The following MAGI1 variants were observed in gnomAD, a reference collection of about 807,000 sequenced individuals.
MAGI1 encodes the protein membrane associated guanylate kinase, WW and PDZ domain containing 1.
In MAGI1, 58 loss-of-function variants were observed where a neutral mutation model predicts 139.9. The ratio of observed to expected loss-of-function variants is 0.41; its 90% CI spans 0.34 to 0.52. The LOEUF is 0.52. Ranked by LOEUF, MAGI1 falls within the 20% of genes least tolerant of loss-of-function variation. MAGI1 has a pLI of 0.12. For missense variants in MAGI1, 1,874 were observed against 1,901.6 expected (o/e 0.99, Z 0.27); for synonymous variants, 812 against 737.9 (o/e 1.10, Z -1.63).
chr3:65,368,004 T>A (rs547885114), intron 18 of MAGI1, among the ~76,000 whole-genome samples: 1 of 152,206 alleles, frequency 6.6e-6, no homozygotes, highest in Admixed American at 6.5e-5. Context: ...TTTTATACTA[T>A]CAATAAAGTT....
At chr3:65,509,816 C>G (rs1289939000) in intron 2 of MAGI1, among the ~76,000 whole-genome samples, 1 of 152,046 alleles carries the variant, frequency 6.6e-6, no homozygotes, top group Admixed American at 6.6e-5. Context: ...CTCAAGGAGG[C>G]CTGCCTGCCT....
intron 13 of MAGI1, among the ~76,000 whole-genome samples, chr3:65,400,922 T>C (rs948278957): frequency 1.3e-5 from 2 of 152,142 alleles, no homozygotes; most frequent in Middle Eastern, 3.4e-3. Context: ...GTCACATATA[T>C]GGGGCAAAGC....
chr3:65,864,433 T>C (rs756196433), intron 1 of MAGI1, among the ~76,000 whole-genome samples: 14 of 152,204 alleles, frequency 9.2e-5, no homozygotes, highest in Non-Finnish European at 1.8e-4. Context: ...GGAAGTGGCC[T>C]GCTTTCTTGC....
chr3:65,498,094 C>G (rs1286596083), intron 2 of MAGI1, among the ~76,000 whole-genome samples: 1 of 152,206 alleles, frequency 6.6e-6, no homozygotes, highest in African/African-American at 2.4e-5. Context: ...TTTCTTGTAG[C>G]AGAATGGCAG....
intron 5 of MAGI1, among the ~76,000 whole-genome samples, chr3:65,463,558 A>ATGTGTGTG (rs56135171): frequency 0.029 from 4,058 of 140,750 alleles, 91 homozygotes; most frequent in African/African-American, 0.045. Flanking sequence ...TTGGCCTGAA[A>ATGTGTGTG]TGTGTGTGTG....
At chr3:65,431,836 T>C (rs1207984287) in intron 10 of MAGI1, among the ~76,000 whole-genome samples, 1 of 149,086 alleles carries the variant, frequency 6.7e-6, no homozygotes, top group Non-Finnish European at 1.5e-5. Context: ...AAAAAAAAAA[T>C]ACAAAAATTA....
At chr3:65,805,094 TAACTA>T (rs1233994128) in intron 1 of MAGI1, among the ~76,000 whole-genome samples, 10 of 152,140 alleles carry the variant, frequency 6.6e-5, no homozygotes, top group African/African-American at 2.4e-4. Context: ...AAATGGGACC[TAACTA>T]AACTAAAGAG....
intron 1 of MAGI1, among the ~76,000 whole-genome samples, chr3:65,781,904 C>T (rs1214898387): frequency 1.3e-5 from 2 of 151,934 alleles, no homozygotes; most frequent in African/African-American, 2.4e-5. Flanking sequence ...AACCCCCCCT[C>T]ACTATAAACC....
intron 1 of MAGI1, among the ~76,000 whole-genome samples, chr3:65,683,766 C>A (rs1282300504): frequency 2.0e-5 from 3 of 151,656 alleles, no homozygotes; most frequent in African/African-American, 7.3e-5. Flanking sequence ...TCACACCTAT[C>A]AGAATGGATG....
intron 1 of MAGI1, among the ~76,000 whole-genome samples, chr3:65,923,432 G>A (rs902665142): frequency 4.0e-5 from 6 of 151,872 alleles, no homozygotes; most frequent in Admixed American, 3.9e-4. Context: ...TCACCATGTT[G>A]GTCAGGATGG....
chr3:65,479,528 T>C, intron 3 of MAGI1, among the ~76,000 whole-genome samples: 1 of 152,182 alleles, frequency 6.6e-6, no homozygotes, highest in East Asian at 1.9e-4. Context: ...CATTTTAATT[T>C]TTTTATTTTA....
At chr3:65,884,196 A>G (rs758810459) in intron 1 of MAGI1, among the ~76,000 whole-genome samples, 3 of 152,208 alleles carry the variant, frequency 2.0e-5, no homozygotes, top group Non-Finnish European at 2.9e-5. Flanking sequence ...AGAAAGAAAA[A>G]CACGTCCGAA....
At chr3:65,712,455 G>GAAAA (rs759022188) in intron 1 of MAGI1, among the ~76,000 whole-genome samples, 1 of 87,786 alleles carries the variant, frequency 1.1e-5, no homozygotes. Flanking sequence ...CCCCAAGCAA[G>GAAAA]AAAAAAAAAA....
intron 2 of MAGI1, among the ~76,000 whole-genome samples, chr3:65,601,700 T>C (rs2082488320): frequency 6.7e-6 from 1 of 149,844 alleles, no homozygotes; most frequent in South Asian, 2.1e-4. Flanking sequence ...GTAAATCTTT[T>C]TTATCCTGGG....
rs767167390 is a variant in MAGI1, at chr3:65,429,828, C to A, written c.1859G>T (p.Ser620Ile). 6.2e-7 allele frequency: 1 copy of A among 1,613,976 alleles called. No individual in the cohort carries two copies. Among genetic ancestry groups the A allele is most frequent in the East Asian group, 2.2e-5 (1 of 44,834 alleles). The change falls in exon 12 of 23, where the codon AGT (serine) becomes ATT (isoleucine). Residue 620 changes from serine (S) to isoleucine (I), a missense_variant. Coordinates refer to ENST00000402939, the MANE Select transcript of MAGI1 (RefSeq NM_001033057.2). The stretch of plus-strand genomic sequence containing the variant: ...AGTGTCATTAGGATAACCATGAGAA[C>A]TATTTGAAGCCACGTCCGCTGGGCT... ...PSSPADVASN[S>I]SHGYPNDTVS...
intron 1 of MAGI1, among the ~76,000 whole-genome samples, chr3:65,673,898 T>C (rs1192639155): frequency 6.6e-6 from 1 of 152,166 alleles, no homozygotes; most frequent in Non-Finnish European, 1.5e-5. Context: ...CCCTCATTCT[T>C]CTCATTAGCT....
intron 1 of MAGI1, among the ~76,000 whole-genome samples, chr3:65,761,704 C>T (rs192768152): frequency 6.6e-6 from 1 of 152,260 alleles, no homozygotes; most frequent in Admixed American, 6.5e-5. Flanking sequence ...ACCTAGAATG[C>T]ACAATTTCGT....
At chr3:65,571,409 A>T (rs1404129799) in intron 2 of MAGI1, among the ~76,000 whole-genome samples, 2 of 152,140 alleles carry the variant, frequency 1.3e-5, no homozygotes, top group African/African-American at 2.4e-5. Flanking sequence ...TCACTCAAAG[A>T]AAATGGTATA....
At chr3:65,600,210 T>C (rs904315156) in intron 2 of MAGI1, among the ~76,000 whole-genome samples, 14 of 152,170 alleles carry the variant, frequency 9.2e-5, no homozygotes, top group African/African-American at 2.9e-4. Flanking sequence ...GGAATCTGCA[T>C]AGAGACTTCC....
Sources: gnomAD v4.1 joint callset for allele counts (sites outside exome capture counted in the v4.1 genomes callset) on GRCh38, gnomAD v4.1.1 for gene constraint, MANE v1.5 for transcripts, NCBI Gene and HGNC (gene_info 2026-07-23, HGNC 2026-07-21) for gene names.